CARD8: variants seen among roughly 807,000 people sequenced by gnomAD.
CARD8 encodes the protein caspase recruitment domain-containing protein 8.
A neutral mutation model predicts 53.2 loss-of-function variants in CARD8; 38 were observed. That is an observed-to-expected ratio of 0.71 (90% CI 0.55 to 0.94). The LOEUF is 0.94. CARD8 is among the 40% of genes least tolerant of loss of function. CARD8 has a pLI of 0.00. For synonymous variants in CARD8, 245 were observed against 244.9 expected (o/e 1.00, Z 0.00); for missense variants, 561 against 655.5 (o/e 0.86, Z 1.57).
intron 3 of CARD8, among the ~76,000 whole-genome samples, chr19:48,241,830 G>A (rs1322964205): frequency 6.6e-6 from 1 of 152,060 alleles, no homozygotes; most frequent in Non-Finnish European, 1.5e-5. Context: ...TAAAATAATG[G>A]CTTTATGGAT....
At chr19:48,205,725 C>G (rs1046087309), downstream of CARD8, among the ~76,000 whole-genome samples, 1 of 151,968 alleles carries the variant, frequency 6.6e-6, no homozygotes, top group African/African-American at 2.4e-5. Context: ...AATTTGGACC[C>G]ACACAATCGG....
At chr19:48,233,930 A>C in intron 6 of CARD8, 1 of 160,836 alleles carries the variant, frequency 6.2e-6, no homozygotes, top group Non-Finnish European at 1.4e-5. Context: ...AGACTTCTGC[A>C]TGTGTTCTTT....
In CARD8 at chr19:48,241,081, G is replaced by A. The variant is rs879558599; in HGVS notation, c.-43-18C>T. 18 of 1,356,534 alleles carry A rather than the reference G, an allele frequency of 1.3e-5. No individual in the cohort carries two copies. Among genetic ancestry groups the A allele is most frequent in the Non-Finnish European group, 1.7e-5 (17 of 985,198 alleles). The allele number at this position is 1,356,534 out of a possible 1,614,324, so 84.0% of individuals were successfully genotyped here. The stretch of plus-strand genomic sequence containing the variant: ...TTTTTACCCTGAAAAAATAAAAGGA[G>A]GTTGTATTTAGGTACTTGGGAAGAA... On this transcript the variant is annotated intron_variant, in intron 3 of 13. Coordinates refer to ENST00000651546, the MANE Select transcript of CARD8 (RefSeq NM_001184900.3).
chr19:48,218,746 A>G, intron 12 of CARD8, 125 bp downstream of exon 12: 1 of 1,075,508 alleles, frequency 9.3e-7, no homozygotes, highest in Non-Finnish European at 1.4e-6. Context: ...GTGTTTTAAC[A>G]CTGACAATAG....
Position 48,209,378 on chromosome 19 carries a change from G to C in CARD8, c.*2332C>G, listed in dbSNP as rs1180655759. The C allele has an allele frequency of 2.0e-5, 3 of 151,590 alleles. No homozygotes were observed. Among genetic ancestry groups the C allele is most frequent in the Non-Finnish European group, 4.4e-5 (3 of 67,908 alleles). The allele number at this position is 151,590 out of a possible 1,614,324, so 9.4% of individuals were successfully genotyped here. On this transcript the variant is annotated 3_prime_UTR_variant, in exon 14 of 14. Coordinates refer to ENST00000651546, the MANE Select transcript of CARD8 (RefSeq NM_001184900.3). ...TAAGGCAAGAAATTTAAAATATAGA[G>C]AACAAAATGGAAATTTTAGAACTGA...
chr19:48,205,163 G>A (rs1599950514), downstream of CARD8, among the ~76,000 whole-genome samples: 1 of 152,190 alleles, frequency 6.6e-6, no homozygotes, highest in Non-Finnish European at 1.5e-5. Context: ...CTGACTGTGT[G>A]CCAGAGACTA....
intron 10 of CARD8, among the ~76,000 whole-genome samples, chr19:48,227,271 T>C (rs1380097518): frequency 1.3e-5 from 2 of 152,004 alleles, no homozygotes; most frequent in Non-Finnish European, 2.9e-5. Context: ...TAAACACTCA[T>C]ATGGAGAGGG....
downstream of CARD8, among the ~76,000 whole-genome samples, chr19:48,205,793 TGAGTAGG>T (rs567117202): frequency 8.5e-5 from 13 of 152,106 alleles, no homozygotes; most frequent in East Asian, 2.3e-3. Context: ...CTGGGAAATG[TGAGTAGG>T]GAGTGAGGCA....
At chr19:48,219,476 C>T (rs1346828689) in intron 11 of CARD8, among the ~76,000 whole-genome samples, 1 of 152,076 alleles carries the variant, frequency 6.6e-6, no homozygotes, top group African/African-American at 2.4e-5. Flanking sequence ...AAAAAAGCTG[C>T]CCTGGGGAGC....
rs1399109687 is a variant in CARD8 at position 48,231,749 on chromosome 19, C to T, written c.453G>A (p.Glu151=). The part of the protein sequence containing the change: ...VSSYASKVCF[E]IEEDYKNRQF... ...GACGATTTTTATAATCTTCTTCGAT[C>T]TCAAAACAGACTTTAGAAGCATAAG... Residue 151 remains glutamate, a synonymous_variant, in exon 8 of 14, where the codon GAG becomes GAA. Coordinates refer to ENST00000651546, the MANE Select transcript of CARD8 (RefSeq NM_001184900.3). 1 of 1,613,604 alleles carries T rather than the reference C, an allele frequency of 6.2e-7. No individual in the cohort carries two copies. Among genetic ancestry groups the T allele is most frequent in the East Asian group, 2.2e-5 (1 of 44,840 alleles).
At chr19:48,219,654 A>G (rs1164682836) in intron 11 of CARD8, among the ~76,000 whole-genome samples, 2 of 152,272 alleles carry the variant, frequency 1.3e-5, no homozygotes, top group African/African-American at 4.8e-5. Context: ...GATGACTCTG[A>G]GGAGAGTTTA....
chr19:48,245,643 A>G (rs2045982847), intron 3 of CARD8, among the ~76,000 whole-genome samples: 1 of 140,304 alleles, frequency 7.1e-6, no homozygotes, highest in African/African-American at 2.5e-5. Context: ...AAAAAACTAC[A>G]TGACCCATAT....
At chr19:48,247,746 CTA>C (rs1260542881) in intron 3 of CARD8, among the ~76,000 whole-genome samples, 4 of 129,898 alleles carry the variant, frequency 3.1e-5, no homozygotes, top group Admixed American at 7.7e-5. Flanking sequence ...TTTCATGACA[CTA>C]TGTTATTGTA....
chr19:48,239,226 C>T (rs1260452437), intron 4 of CARD8, among the ~76,000 whole-genome samples: 2 of 152,170 alleles, frequency 1.3e-5, no homozygotes, highest in African/African-American at 4.8e-5. Context: ...CATTCACTGC[C>T]TTTCACAGAC....
intron 13 of CARD8, 130 bp downstream of exon 13, chr19:48,215,207 TTGC>T: frequency 1.6e-6 from 1 of 628,382 alleles, no homozygotes; most frequent in Admixed American, 2.6e-5. Flanking sequence ...AGAATTGAGG[TTGC>T]TGCAGACCTA....
intron 3 of CARD8, among the ~76,000 whole-genome samples, chr19:48,249,134 T>C (rs1472275374): frequency 6.7e-6 from 1 of 150,058 alleles, no homozygotes; most frequent in African/African-American, 2.5e-5. Flanking sequence ...GAGGTGGAGG[T>C]TGCAGTGAGC....
chr19:48,213,274 T>A (rs924056847), intron 13 of CARD8: 1 of 152,216 alleles, frequency 6.6e-6, no homozygotes, highest in Non-Finnish European at 1.5e-5. Flanking sequence ...AACGTGGACA[T>A]GAAGTCATCA....
downstream of CARD8, among the ~76,000 whole-genome samples, chr19:48,205,386 C>T (rs1038268553): frequency 4.0e-5 from 6 of 151,850 alleles, no homozygotes; most frequent in Non-Finnish European, 7.4e-5. Context: ...CGCACCACCA[C>T]GCCCGGCTAA....
At chr19:48,221,701 C>A in intron 11 of CARD8, 29 bp downstream of exon 11, 1 of 1,483,920 alleles carries the variant, frequency 6.7e-7, no homozygotes, top group Non-Finnish European at 9.1e-7. Flanking sequence ...ACTCTGAAAC[C>A]TGCTGAGTTG....
Sources: gnomAD v4.1 joint callset for allele counts (sites outside exome capture counted in the v4.1 genomes callset) on GRCh38, gnomAD v4.1.1 for gene constraint, MANE v1.5 for transcripts, NCBI Gene and HGNC (gene_info 2026-07-23, HGNC 2026-07-21) for gene names.